The following ENPP6 variants were observed in gnomAD, a reference collection of about 807,000 sequenced individuals.
ENPP6 encodes the protein glycerophosphocholine cholinephosphodiesterase ENPP6.
Under a neutral mutation model 42.0 loss-of-function variants are expected in ENPP6, and 32 were observed. The observed-to-expected ratio is 0.76, with a 90% CI of 0.58 to 1.02. The LOEUF is 1.02. Among genes scored for constraint, ENPP6 ranks in the 50% least tolerant of loss-of-function variants. The pLI is 0.00. For missense variants in ENPP6, 552 were observed against 566.8 expected (o/e 0.97, Z 0.27); for synonymous variants, 213 against 216.0 (o/e 0.99, Z 0.12).
chr4:184,195,575 T>C (rs1732781808), intron 1 of ENPP6, among the ~76,000 whole-genome samples: 2 of 152,168 alleles, frequency 1.3e-5, no homozygotes, highest in Admixed American at 6.6e-5. Context: ...TCTGTACCCC[T>C]TAAAACTAAC....
At position 184,172,378 on chromosome 4, in the gene ENPP6, T is replaced by G. The variant is rs180727381; in HGVS notation, c.242-18645A>C. ...GCCAACACCTGCCTCCTGAAGAGCC[T>G]CCACCCTCTAGCTAGCAGTCAAGCC... On this transcript the variant is annotated intron_variant, in intron 1 of 7. Coordinates refer to ENST00000296741, the MANE Select transcript of ENPP6 (RefSeq NM_153343.4). Among the ~76,000 whole-genome samples, 1,225 of 152,172 alleles carry G rather than the reference T, an allele frequency of 8.1e-3. 10 individuals carry two copies. The highest frequency in any genetic ancestry group is 0.031 in the Middle Eastern group (9 of 294).
At chr4:184,099,645 G>A (rs895958791) in intron 6 of ENPP6, among the ~76,000 whole-genome samples, 16 of 152,122 alleles carry the variant, frequency 1.1e-4, no homozygotes, top group South Asian at 2.1e-4. Context: ...CCCATAAATC[G>A]CCCCCTCGCA....
At chr4:184,129,983 T>C (rs1011366059) in intron 2 of ENPP6, among the ~76,000 whole-genome samples, 14 of 152,214 alleles carry the variant, frequency 9.2e-5, no homozygotes, top group Non-Finnish European at 2.1e-4. Flanking sequence ...TTCTGTTTTG[T>C]CGAATATAAA....
At chr4:184,176,719 A>G (rs1375088694) in intron 1 of ENPP6, among the ~76,000 whole-genome samples, 2 of 87,632 alleles carry the variant, frequency 2.3e-5, no homozygotes, top group Non-Finnish European at 5.8e-5. Context: ...GTGACATAAC[A>G]AGAATTTTAA....
intron 1 of ENPP6, among the ~76,000 whole-genome samples, chr4:184,191,628 T>A (rs982138537): frequency 6.6e-6 from 1 of 152,196 alleles, no homozygotes. Flanking sequence ...CTTCTCTAGA[T>A]GAAAGTTCTC....
At chr4:184,122,220 T>C (rs1736427142) in intron 3 of ENPP6, among the ~76,000 whole-genome samples, 1 of 152,176 alleles carries the variant, frequency 6.6e-6, no homozygotes, top group Non-Finnish European at 1.5e-5. Flanking sequence ...ACCATGTGAA[T>C]GCCAACCCAT....
intron 1 of ENPP6, among the ~76,000 whole-genome samples, chr4:184,211,631 G>A (rs565133621): frequency 2.0e-5 from 3 of 152,200 alleles, no homozygotes; most frequent in African/African-American, 4.8e-5. Flanking sequence ...AGGACCAGAC[G>A]GATTCACAGC....
At chr4:184,100,656 T>A (rs1206098975) in intron 6 of ENPP6, among the ~76,000 whole-genome samples, 1 of 152,112 alleles carries the variant, frequency 6.6e-6, no homozygotes, top group African/African-American at 2.4e-5. Flanking sequence ...TCTCCTGCAA[T>A]GTGTGCTGGA....
At chr4:184,216,421 G>A (rs921460472) in intron 1 of ENPP6, 3 of 151,954 alleles carry the variant, frequency 2.0e-5, no homozygotes, top group African/African-American at 7.3e-5. Context: ...TTCAGTTTGG[G>A]GCATCAGTTT....
At chr4:184,156,354 C>A (rs764683356) in intron 1 of ENPP6, among the ~76,000 whole-genome samples, 3 of 152,208 alleles carry the variant, frequency 2.0e-5, no homozygotes, top group Admixed American at 6.5e-5. Flanking sequence ...TCCCTACCAA[C>A]CCTCTGCCTC....
chr4:184,209,130 T>C (rs1237841713), intron 1 of ENPP6, among the ~76,000 whole-genome samples: 1 of 150,432 alleles, frequency 6.6e-6, no homozygotes, highest in Non-Finnish European at 1.5e-5. Flanking sequence ...ACCACAAAGA[T>C]GGGGAAAAAA....
chr4:184,217,683 G>A lies in ENPP6; in HGVS notation c.137C>T (p.Ser46Leu). Residue 46 changes from serine to leucine, a missense_variant, in exon 1 of 8, where the codon TCA (serine) becomes TTA (leucine). By Grantham distance (145) the Ser-to-Leu change is moderately radical (BLOSUM62 -2). This residue lies in a region of ENPP6 where 545 missense variants were observed against 546.3 expected (regional missense o/e 1.00). Transcript: ENST00000296741. The stretch of plus-strand genomic sequence containing the variant: ...CACAATCTCTTTGAAACCAGGCAAT[G>A]ACTCCAGCGCCTCATCACTGATGTA... ...SDYISDEALE[S>L]LPGFKEIVSR... 3.7e-6 allele frequency: 6 copies of A among 1,614,210 alleles called. 1 individual carries two copies. In the Middle Eastern group the frequency reaches 9.9e-4, roughly 266 times the overall value.
intron 2 of ENPP6, among the ~76,000 whole-genome samples, chr4:184,125,051 G>A (rs577916951): frequency 6.3e-4 from 96 of 152,340 alleles, no homozygotes; most frequent in African/African-American, 2.2e-3. Context: ...ATGTTCAGAC[G>A]TACTGGAAAC....
At chr4:184,216,213 G>A (rs1415852215) in intron 1 of ENPP6, among the ~76,000 whole-genome samples, 1 of 152,228 alleles carries the variant, frequency 6.6e-6, no homozygotes, top group East Asian at 1.9e-4. Flanking sequence ...CCGGCAGCCT[G>A]CAAACTGCTT....
intron 1 of ENPP6, among the ~76,000 whole-genome samples, chr4:184,177,993 A>G (rs1227177964): frequency 6.6e-6 from 1 of 152,176 alleles, no homozygotes; most frequent in Admixed American, 6.5e-5. Context: ...ATCTCCAGCA[A>G]GGGCACAGAA....
intron 2 of ENPP6, among the ~76,000 whole-genome samples, chr4:184,140,203 A>G (rs1282813261): frequency 3.9e-5 from 6 of 152,046 alleles, no homozygotes; most frequent in Non-Finnish European, 7.4e-5. Context: ...GACCTCTTTA[A>G]GGAGAACTAC....
intron 1 of ENPP6, among the ~76,000 whole-genome samples, chr4:184,214,515 C>T (rs917990821): frequency 1.3e-5 from 2 of 152,098 alleles, no homozygotes; most frequent in Non-Finnish European, 2.9e-5. Context: ...ACACGAAGGC[C>T]TCCTAGGAGG....
Position 184,097,359 on chromosome 4 carries a change from T to A in ENPP6, c.1003A>T (p.Met335Leu). The A allele has an allele frequency of 6.2e-7, 1 of 1,614,068 alleles. No homozygotes were observed. Among genetic ancestry groups the A allele is most frequent in the Non-Finnish European group, 8.5e-7 (1 of 1,180,000 alleles). The change falls in exon 7 of 8, where the codon ATG becomes TTG. Residue 335 changes from methionine to leucine, a missense_variant. Physicochemically the swap from Met to Leu is conservative, Grantham distance 15. Around this residue, in one of 2 missense-constraint regions of ENPP6, gnomAD observed 545 missense variants for 546.3 expected, o/e 1.00. Transcript: ENST00000296741. ...EGWFITENRE[M>L]LPFWMNSTGR... ...GTGCTGTTCATCCAAAACGGAAGCA[T>A]CTCTCGATTCTGAAACCAAGCAAGG...
At chr4:184,187,503 C>T (rs996245097) in intron 1 of ENPP6, among the ~76,000 whole-genome samples, 6 of 152,212 alleles carry the variant, frequency 3.9e-5, no homozygotes, top group Admixed American at 3.9e-4. Flanking sequence ...CCCAAACATG[C>T]ACCTGCCTCA....
Sources: gnomAD v4.1 joint callset for allele counts (sites outside exome capture counted in the v4.1 genomes callset) on GRCh38, gnomAD v4.1.1 for gene constraint, gnomAD v4.1.1 regional missense constraint, MANE v1.5 for transcripts, NCBI Gene and HGNC (gene_info 2026-07-23, HGNC 2026-07-21) for gene names.